PSD3: variants seen among roughly 807,000 people sequenced by gnomAD.
The protein encoded by PSD3 is PH and SEC7 domain-containing protein 3.
PSD3 carries 49 observed loss-of-function variants against 105.5 expected under a neutral mutation model. That is an observed-to-expected ratio of 0.46 (90% CI 0.37 to 0.59). PSD3 has a LOEUF of 0.59. Among genes scored for constraint, PSD3 ranks in the 20% least tolerant of loss-of-function variants. The pLI, the probability that PSD3 is intolerant of heterozygous loss-of-function variation, is 0.00. For synonymous variants in PSD3, 557 were observed against 457.8 expected (o/e 1.22, Z -2.77); for missense variants, 1,561 against 1,263.8 (o/e 1.24, Z -3.57).
At chr8:18,885,504 A>G (rs754841554) in intron 2 of PSD3, among the ~76,000 whole-genome samples, 1 of 152,190 alleles carries the variant, frequency 6.6e-6, no homozygotes, top group Non-Finnish European at 1.5e-5. Context: ...AATGCCAAGC[A>G]GCTGGAGTTC....
In PSD3 at chr8:18,871,982, G is replaced by C. The variant is rs773496583; in HGVS notation, c.882C>G (p.Gly294=). 6.2e-7 allele frequency: 1 copy of C among 1,614,114 alleles called. No homozygotes were observed. Among genetic ancestry groups the C allele is most frequent in the Non-Finnish European group, 8.5e-7 (1 of 1,180,020 alleles). ...CTTGAAATTCCACATGTTTGACCCGGCCTGGGCGTCCCATGGAGCTGCTTC... is the reference window on the plus strand; with the variant it reads ...CTTGAAATTCCACATGTTTGACCCGCCCTGGGCGTCCCATGGAGCTGCTTC... ...CDRSSSMGRP[G]RVKHVEFQGV... is the part of the protein sequence containing the mutation. Residue 294 remains glycine (G), a synonymous_variant, in exon 3 of 16, where the codon GGC becomes GGG. Coordinates refer to ENST00000327040, the MANE Select transcript of PSD3 (RefSeq NM_015310.4).
rs943305298 is a variant in PSD3, at chr8:18,717,847, C to T, written c.2172+47602G>A. Reference sequence around the variant, plus strand: ...TGTATTTCATAAACTTTTGCCTGCTCTAGCTCCCTTACGAACATTAAATTC... The same window carrying T: ...TGTATTTCATAAACTTTTGCCTGCTTTAGCTCCCTTACGAACATTAAATTC... On this transcript the variant is annotated intron_variant, in intron 9 of 15. Transcript: ENST00000327040. Among the ~76,000 whole-genome samples, 4 of 152,198 alleles carry T rather than the reference C, an allele frequency of 2.6e-5. No homozygotes were observed. The East Asian group carries it at 5.8e-4, about 22-fold the overall frequency.
chr8:18,548,215 T>C (rs1213145357), intron 15 of PSD3, among the ~76,000 whole-genome samples: 3 of 152,164 alleles, frequency 2.0e-5, no homozygotes, highest in Non-Finnish European at 2.9e-5. Context: ...CTGATTTCAT[T>C]GAGGAATCAA....
chr8:18,997,339 C>A (rs1216211049), intron 1 of PSD3, among the ~76,000 whole-genome samples: 1 of 151,834 alleles, frequency 6.6e-6, no homozygotes, highest in Non-Finnish European at 1.5e-5. Context: ...GTCACCCATG[C>A]TTTCTCCCAC....
intron 9 of PSD3, among the ~76,000 whole-genome samples, chr8:18,696,258 C>T (rs988308104): frequency 4.6e-5 from 7 of 152,238 alleles, no homozygotes; most frequent in Non-Finnish European, 7.3e-5. Flanking sequence ...CACCTCCATA[C>T]GACTCAGTCT....
intron 8 of PSD3, among the ~76,000 whole-genome samples, chr8:18,781,918 T>C (rs1270286950): frequency 1.3e-5 from 2 of 152,146 alleles, no homozygotes; most frequent in African/African-American, 4.8e-5. Flanking sequence ...TCAGGTTATT[T>C]CAAAAGACCT....
chr8:18,556,975 C>G (rs556515683), intron 14 of PSD3, among the ~76,000 whole-genome samples: 1 of 152,170 alleles, frequency 6.6e-6, no homozygotes, highest in East Asian at 1.9e-4. Flanking sequence ...ATGTATCTAC[C>G]TATTTAGCAA....
Position 18,678,893 on chromosome 8 carries a change from C to T in PSD3, c.2173-23208G>A, listed in dbSNP as rs9792364. Among the ~76,000 whole-genome samples the T allele has an allele frequency of 0.011, 1,622 of 152,252 alleles. 74 individuals are homozygous for T. The East Asian group carries it at 0.13, about 13-fold the overall frequency. ...TGGTTTGGTACAACCCTAATTTATGCATCCCTGAATGTTCAAACTCTTGAA... is the reference window on the plus strand; with the variant it reads ...TGGTTTGGTACAACCCTAATTTATGTATCCCTGAATGTTCAAACTCTTGAA... On this transcript the variant is annotated intron_variant, in intron 9 of 15. Coordinates refer to ENST00000327040, the MANE Select transcript of PSD3 (RefSeq NM_015310.4).
chr8:18,962,951 T>C lies in PSD3; in HGVS notation c.22-26809A>G, dbSNP rs377650572. On this transcript the variant is annotated intron_variant, in intron 1 of 15. Coordinates refer to ENST00000327040, the MANE Select transcript of PSD3 (RefSeq NM_015310.4). ...GTTCTTTCAGCCTACACAACATATG[T>C]ATTAGTCCGTTTTCACGCTGCTGAT... 4.6e-5 allele frequency among the ~76,000 whole-genome samples: 7 copies of C among 152,268 alleles called. No homozygotes were observed. The East Asian group carries it at 1.4e-3, about 29-fold the overall frequency.
chr8:18,697,333 C>A (rs918034720), intron 9 of PSD3, among the ~76,000 whole-genome samples: 1 of 152,100 alleles, frequency 6.6e-6, no homozygotes, highest in African/African-American at 2.4e-5. Flanking sequence ...ATTGTCAGTA[C>A]TTTTACCATC....
intron 9 of PSD3, among the ~76,000 whole-genome samples, chr8:18,752,538 T>TCAA (rs1805619465): frequency 2.9e-5 from 1 of 34,386 alleles, no homozygotes; most frequent in African/African-American, 1.6e-4. Flanking sequence ...AATTATATAT[T>TCAA]ATATATATTA....
At chr8:18,784,866 C>T (rs929579828) in intron 8 of PSD3, among the ~76,000 whole-genome samples, 2 of 152,132 alleles carry the variant, frequency 1.3e-5, no homozygotes, top group African/African-American at 4.8e-5. Flanking sequence ...CTTTATAACA[C>T]AGACATGGCT....
intron 1 of PSD3, among the ~76,000 whole-genome samples, chr8:19,067,792 T>C (rs1475789224): frequency 6.6e-6 from 1 of 152,204 alleles, no homozygotes. Flanking sequence ...TGGAGCCAAC[T>C]GGGTGACTAC....
intron 9 of PSD3, among the ~76,000 whole-genome samples, chr8:18,676,448 C>A (rs1800068536): frequency 1.3e-5 from 2 of 152,158 alleles, no homozygotes; most frequent in Non-Finnish European, 2.9e-5. Flanking sequence ...ACCCGCTAAC[C>A]CTGAGGACTT....
intron 3 of PSD3, among the ~76,000 whole-genome samples, chr8:18,870,297 G>T (rs1817238650): frequency 6.6e-6 from 1 of 152,184 alleles, no homozygotes; most frequent in Non-Finnish European, 1.5e-5. Flanking sequence ...GTACCAATTA[G>T]AAGTACAGTA....
chr8:18,895,420 C>A (rs1256967003), intron 2 of PSD3, among the ~76,000 whole-genome samples: 2 of 152,224 alleles, frequency 1.3e-5, no homozygotes. Flanking sequence ...CCAAGACTAT[C>A]ATGACTTTCT....
chr8:18,542,854 G>A (rs895139161), intron 15 of PSD3, among the ~76,000 whole-genome samples: 1 of 152,120 alleles, frequency 6.6e-6, no homozygotes, highest in Non-Finnish European at 1.5e-5. Context: ...GGTCAGTTTT[G>A]CTACCTTTGG....
At chr8:18,821,233 C>A (rs1451836198) in intron 4 of PSD3, among the ~76,000 whole-genome samples, 1 of 151,472 alleles carries the variant, frequency 6.6e-6, no homozygotes, top group Non-Finnish European at 1.5e-5. Flanking sequence ...CAAACAAGAC[C>A]ATTCAAAAAG....
At chr8:18,843,765 TG>T (rs539617739) in intron 4 of PSD3, among the ~76,000 whole-genome samples, 185 of 152,280 alleles carry the variant, frequency 1.2e-3, no homozygotes, top group Non-Finnish European at 1.8e-3. Context: ...CTGATGATGG[TG>T]GTGATGGTGA....
Sources: gnomAD v4.1 joint callset for allele counts (sites outside exome capture counted in the v4.1 genomes callset) on GRCh38, gnomAD v4.1.1 for gene constraint, MANE v1.5 for transcripts, NCBI Gene and HGNC (gene_info 2026-07-23, HGNC 2026-07-21) for gene names.